The following MFSD2B variants were observed in gnomAD, a reference collection of about 807,000 sequenced individuals.
MFSD2B encodes MFSD2 lysolipid transporter B, sphingolipid.
A neutral mutation model predicts 58.4 loss-of-function variants in MFSD2B; 56 were observed. The observed-to-expected ratio is 0.96, with a 90% CI of 0.77 to 1.20. MFSD2B has a LOEUF of 1.20. Ranked by LOEUF, MFSD2B falls within the 50% of genes most tolerant of loss-of-function variation. The pLI is 0.00. For missense variants in MFSD2B, 645 were observed against 667.6 expected (o/e 0.97, Z 0.37); for synonymous variants, 287 against 294.4 (o/e 0.97, Z 0.26).
rs895534026 is a variant in MFSD2B, at chr2:24,017,358, G to A, written c.544G>A (p.Ala182Thr). ...CCCAAGGGAGCGGGACTCGGCCACC[G>A]CCTACCGTGAGTGCAGCCGTGGGTT... The part of the protein sequence containing the change: ...PCPRERDSAT[A>T]YRMTVEMAGT... The change falls in exon 5 of 14, where the codon GCC (alanine) becomes ACC (threonine). Residue 182 changes from alanine (A) to threonine (T), a missense_variant. Physicochemically the swap from Ala to Thr is moderately conservative, Grantham distance 58. Transcript: ENST00000338315. The surrounding 1 kb of genome is among the most constrained non-coding windows in gnomAD (Gnocchi z 4.8). The A allele has an allele frequency of 3.7e-5, 59 of 1,603,772 alleles. No individual in the cohort carries two copies. Among genetic ancestry groups the A allele is most frequent in the Non-Finnish European group, 4.8e-5 (57 of 1,176,006 alleles).
chr2:24,023,147 G>A lies in MFSD2B; in HGVS notation c.1077G>A (p.Ala359=), dbSNP rs759020228. 39 of 1,612,742 alleles carry A rather than the reference G, an allele frequency of 2.4e-5. No homozygotes were observed. The highest frequency in any genetic ancestry group is 3.3e-4 in the Middle Eastern group (2 of 6,084). The part of the protein sequence containing the change: ...AFGIFAMVPF[A]ILLAAVPTAP... ...CTCCCCAGGCGATGGTGCCCTTTGC[G>A]ATCTTGCTGGCTGCTGTGCCCACAG... The change falls in exon 11 of 14, where the codon GCG becomes GCA. Residue 359 remains alanine, a synonymous_variant. Coordinates refer to ENST00000338315, the MANE Select transcript of MFSD2B (RefSeq NM_001346880.2). This position sits in a 1 kb window ranked among gnomAD's most constrained non-coding sequence, Gnocchi z 5.0.
chr2:24,022,301 G>GA lies in MFSD2B; in HGVS notation c.895-130dup. 1 of 761,602 alleles carries GA rather than the reference G, an allele frequency of 1.3e-6. No homozygotes were observed. The highest frequency in any genetic ancestry group is 2.3e-6 in the Non-Finnish European group (1 of 441,190). 47.2% of individuals were successfully genotyped at this position (761,602 alleles called of 1,614,324 possible). On this transcript the variant is annotated intron_variant, in intron 8 of 13. Coordinates refer to ENST00000338315, the MANE Select transcript of MFSD2B (RefSeq NM_001346880.2). This position sits in a 1 kb window ranked among gnomAD's most constrained non-coding sequence, Gnocchi z 4.5. ...TTGGGGATAAGTGTCCTTTGTGGGG[G>GA]AAGGGACTGTATGATGGTAGCAGCA...
chr2:24,010,143 A>G lies in MFSD2B; in HGVS notation c.47A>G (p.Glu16Gly), dbSNP rs1573627126. ...APAAKGSPQP[E>G]PHAPEPGPGS... ...GCCGCCAAGGGGTCCCCGCAGCCGG[A>G]GCCGCACGCCCCAGAGCCCGGCCCG... Residue 16 changes from glutamate (E) to glycine (G), a missense_variant, in exon 1 of 14, where the codon GAG (glutamate) becomes GGG (glycine). Coordinates refer to ENST00000338315, the MANE Select transcript of MFSD2B (RefSeq NM_001346880.2). 6 of 1,463,816 alleles carry G rather than the reference A, an allele frequency of 4.1e-6. No individual in the cohort carries two copies. Among genetic ancestry groups the G allele is most frequent in the Non-Finnish European group, 5.4e-6 (6 of 1,114,318 alleles). 90.7% of individuals were successfully genotyped at this position (1,463,816 alleles called of 1,614,324 possible).
intron 13 of MFSD2B, among the ~76,000 whole-genome samples, chr2:24,025,083 C>T (rs1443383714): frequency 1.3e-5 from 2 of 152,240 alleles, no homozygotes; most frequent in Admixed American, 6.5e-5. Flanking sequence ...AATGTTCACA[C>T]AAGTAAGGTC....
chr2:24,023,943 A>C lies in MFSD2B; in HGVS notation c.1314-152A>C, dbSNP rs1020641303. ...AGTTCCCTCTAAACTCTCCCAGGTC[A>C]GCCTGTCACCTTGACACTCCTCTCC... On this transcript the variant is annotated intron_variant, in intron 12 of 13. Transcript: ENST00000338315. This position sits in a 1 kb window ranked among gnomAD's most constrained non-coding sequence, Gnocchi z 5.0. Among the ~76,000 whole-genome samples the C allele has an allele frequency of 6.6e-6, 1 of 152,170 alleles. No individual in the cohort carries two copies. The highest frequency in any genetic ancestry group is 2.4e-5 in the African/African-American group (1 of 41,434).
Position 24,019,725 on chromosome 2 carries a change from C to T in MFSD2B, c.682-1923C>T, listed in dbSNP as rs574261692. 2.0e-5 allele frequency among the ~76,000 whole-genome samples: 3 copies of T among 152,210 alleles called. No individual in the cohort carries two copies. The South Asian group carries it at 6.2e-4, about 32-fold the overall frequency. On this transcript the variant is annotated intron_variant, in intron 6 of 13. Transcript: ENST00000338315. ...GCAATCACCTTGCCTATGTACTCTG[C>T]AAAATGAAAATGAAGGGCCTTGGAA...
At position 24,010,181 on chromosome 2, in the gene MFSD2B, CGAGGGCGAGA is replaced by C; in HGVS notation, c.87_96del (p.Gly30ThrfsTer24). The C allele has an allele frequency of 7.0e-7, 1 of 1,432,628 alleles. No individual in the cohort carries two copies. The highest frequency in any genetic ancestry group is 9.1e-7 in the Non-Finnish European group (1 of 1,098,496). 88.7% of individuals were successfully genotyped at this position (1,432,628 alleles called of 1,614,324 possible). A position where few individuals can be genotyped will look rare whatever the true frequency, so the allele number is the denominator to read the frequency against. Reference sequence around the variant, plus strand: ...AGAGCCCGGCCCGGGGAGCGCCAAGCGAGGGCGAGAGGTGAGCGGGGCGGCGGGGACCGGG... The same window carrying C: ...AGAGCCCGGCCCGGGGAGCGCCAAGCGGTGAGCGGGGCGGCGGGGACCGGG... On this transcript the variant is annotated frameshift_variant and splice_region_variant, in exon 1 of 14. Transcript: ENST00000338315. LOFTEE classifies it high-confidence loss of function.
rs758409263 is a variant in MFSD2B at position 24,022,434 on chromosome 2, T to G, written c.896T>G (p.Val299Gly). ...SFLFISAAVQ[V>G]EQSYLVLFCT... is the part of the protein sequence containing the mutation. ...CCCACTTCCTGTCCATCTCCTCAGGTGGAGCAGAGCTACCTGGTCCTGTTC... is the reference window on the plus strand; with the variant it reads ...CCCACTTCCTGTCCATCTCCTCAGGGGGAGCAGAGCTACCTGGTCCTGTTC... Residue 299 changes from valine (V) to glycine (G), a missense_variant and splice_region_variant, in exon 9 of 14, where the codon GTG (valine) becomes GGG (glycine). Coordinates refer to ENST00000338315, the MANE Select transcript of MFSD2B (RefSeq NM_001346880.2). This position sits in a 1 kb window ranked among gnomAD's most constrained non-coding sequence, Gnocchi z 4.5. The G allele has an allele frequency of 3.1e-6, 5 of 1,612,370 alleles. No homozygotes were observed. In the South Asian group the frequency reaches 5.5e-5, roughly 18 times the overall value.
chr2:24,013,193 A>G, intron 1 of MFSD2B, 92 bp from the exon 2 acceptor site: 2 of 1,336,300 alleles, frequency 1.5e-6, no homozygotes, highest in East Asian at 2.4e-5. Flanking sequence ...TGAAGACATC[A>G]CAGAGACTCA....
At chr2:24,018,578 C>G (rs1343619300) in intron 6 of MFSD2B, 2 of 182,678 alleles carry the variant, frequency 1.1e-5, no homozygotes, top group Non-Finnish European at 2.3e-5. Flanking sequence ...CAAGGGGGCC[C>G]GAATCGACCA....
chr2:24,016,136 C>A lies in MFSD2B; in HGVS notation c.223-20C>A. The A allele has an allele frequency of 6.2e-7, 1 of 1,612,562 alleles. No homozygotes were observed. Among genetic ancestry groups the A allele is most frequent in the South Asian group, 1.1e-5 (1 of 91,018 alleles). On this transcript the variant is annotated intron_variant, in intron 2 of 13. Coordinates refer to ENST00000338315, the MANE Select transcript of MFSD2B (RefSeq NM_001346880.2). ...TGCTGCTGGGCCTCAGCTCTCTATC[C>A]CCTCCCCTGTCTGTTTCAGATCCCT... is the stretch of plus-strand genomic sequence containing the variant.
chr2:24,024,286 C>G lies in MFSD2B; in HGVS notation c.1490+15C>G. On this transcript the variant is annotated intron_variant, in intron 13 of 13. Coordinates refer to ENST00000338315, the MANE Select transcript of MFSD2B (RefSeq NM_001346880.2). The surrounding 1 kb of genome is among the most constrained non-coding windows in gnomAD (Gnocchi z 4.3). ...AGCCTTCGGAGGTAAGCCCCGCACG[C>G]CCCCTGCAGCCAGCGAGGCACAGTG... 1.3e-6 allele frequency: 2 copies of G among 1,584,666 alleles called. No individual in the cohort carries two copies. The highest frequency in any genetic ancestry group is 1.7e-6 in the Non-Finnish European group (2 of 1,167,108).
intron 1 of MFSD2B, 134 bp downstream of exon 1, chr2:24,010,326 C>T (rs1708912112): frequency 1.5e-6 from 1 of 653,036 alleles, no homozygotes; most frequent in Non-Finnish European, 2.2e-6. Context: ...GGGCTGCCCT[C>T]GCGGGGTTAC....
chr2:24,024,373 T>G lies in MFSD2B; in HGVS notation c.1490+102T>G, dbSNP rs1662908905. The G allele has an allele frequency of 1.6e-6, 2 of 1,227,776 alleles. No individual in the cohort carries two copies. Among genetic ancestry groups the G allele is most frequent in the Non-Finnish European group, 2.2e-6 (2 of 889,530 alleles). 76.1% of individuals were successfully genotyped at this position (1,227,776 alleles called of 1,614,324 possible). A position where few individuals can be genotyped will look rare whatever the true frequency, so the allele number is the denominator to read the frequency against. On this transcript the variant is annotated intron_variant, in intron 13 of 13. Coordinates refer to ENST00000338315, the MANE Select transcript of MFSD2B (RefSeq NM_001346880.2). This position sits in a 1 kb window ranked among gnomAD's most constrained non-coding sequence, Gnocchi z 4.3. The stretch of plus-strand genomic sequence containing the variant: ...ACATCCCTGCTGTGTCACACAGTCC[T>G]GCCTCTGGGACCTCTTTCCTTAGCT...
In MFSD2B at chr2:24,024,222, A is replaced by C. The variant is rs1573647264; in HGVS notation, c.1441A>C (p.Thr481Pro). 6.2e-7 allele frequency: 1 copy of C among 1,612,506 alleles called. No homozygotes were observed. Among genetic ancestry groups the C allele is most frequent in the Non-Finnish European group, 8.5e-7 (1 of 1,179,414 alleles). The part of the protein sequence containing the change: ...AGLCILMVGS[T>P]PKTPSRDASS... ...GCTCTGCATCCTCATGGTCGGCTCCACTCCAAAGACACCCAGTCGGGACGC... is the reference window on the plus strand; with the variant it reads ...GCTCTGCATCCTCATGGTCGGCTCCCCTCCAAAGACACCCAGTCGGGACGC... The change falls in exon 13 of 14, where the codon ACT (threonine) becomes CCT (proline). Residue 481 changes from threonine to proline, a missense_variant. Physicochemically the swap from Thr to Pro is conservative, Grantham distance 38. Transcript: ENST00000338315. The surrounding 1 kb of genome is among the most constrained non-coding windows in gnomAD (Gnocchi z 4.3).
In MFSD2B at chr2:24,023,306, G is replaced by A. The variant is rs1662866855; in HGVS notation, c.1169+67G>A. On this transcript the variant is annotated intron_variant, in intron 11 of 13. Coordinates refer to ENST00000338315, the MANE Select transcript of MFSD2B (RefSeq NM_001346880.2). The surrounding 1 kb of genome is among the most constrained non-coding windows in gnomAD (Gnocchi z 5.0). ...GTCACCTCCTTCATGTAAACCTGCC[G>A]TCCCAGGCCCCCTGCACCCAGCCTG... 6.9e-6 allele frequency: 9 copies of A among 1,300,552 alleles called. No homozygotes were observed. Among genetic ancestry groups the A allele is most frequent in the Non-Finnish European group, 8.8e-6 (8 of 903,990 alleles). The allele number at this position is 1,300,552 out of a possible 1,614,324, so 80.6% of individuals were successfully genotyped here. A position where few individuals can be genotyped will look rare whatever the true frequency, so the allele number is the denominator to read the frequency against.
Position 24,021,606 on chromosome 2 carries a change from G to A in MFSD2B, c.682-42G>A. 1 of 1,559,486 alleles carries A rather than the reference G, an allele frequency of 6.4e-7. No individual in the cohort carries two copies. Among genetic ancestry groups the A allele is most frequent in the African/African-American group, 1.4e-5 (1 of 73,858 alleles). ...CCCCTCCGGTGTCACCACCTCCAGGGGTTGAAGACATCACCCATCCCAGTC... is the reference window on the plus strand; with the variant it reads ...CCCCTCCGGTGTCACCACCTCCAGGAGTTGAAGACATCACCCATCCCAGTC... On this transcript the variant is annotated intron_variant, in intron 6 of 13. Transcript: ENST00000338315. This position sits in a 1 kb window ranked among gnomAD's most constrained non-coding sequence, Gnocchi z 5.7.
intron 13 of MFSD2B, 47 bp from the exon 14 acceptor site, chr2:24,025,385 C>A: frequency 2.6e-6 from 4 of 1,525,962 alleles, no homozygotes; most frequent in Non-Finnish European, 3.5e-6. Context: ...GGACAGAGGG[C>A]CCACACCACT....
Position 24,024,036 on chromosome 2 carries a change from C to A in MFSD2B, c.1314-59C>A. The A allele has an allele frequency of 6.4e-7, 1 of 1,565,982 alleles. No individual in the cohort carries two copies. Among genetic ancestry groups the A allele is most frequent in the Non-Finnish European group, 8.7e-7 (1 of 1,145,136 alleles). ...GGGTGGGGTGAGGTGTCGAGTCCCT[C>A]CACCCAGGGTGCCAGGCTCAGCAGG... On this transcript the variant is annotated intron_variant, in intron 12 of 13. Coordinates refer to ENST00000338315, the MANE Select transcript of MFSD2B (RefSeq NM_001346880.2). This position sits in a 1 kb window ranked among gnomAD's most constrained non-coding sequence, Gnocchi z 4.3.
Sources: gnomAD v4.1 joint callset for allele counts (sites outside exome capture counted in the v4.1 genomes callset) on GRCh38, gnomAD v4.1.1 for gene constraint, Gnocchi (gnomAD v3.1) non-coding constraint, MANE v1.5 for transcripts, NCBI Gene and HGNC (gene_info 2026-07-23, HGNC 2026-07-21) for gene names.